FAF1: variants seen among roughly 807,000 people sequenced by gnomAD.
FAF1 encodes the protein FAS-associated factor 1.
FAF1 carries 25 observed loss-of-function variants against 92.5 expected under a neutral mutation model. The ratio of observed to expected loss-of-function variants is 0.27; its 90% CI spans 0.20 to 0.38. FAF1 has a LOEUF of 0.38. Among genes scored for constraint, FAF1 ranks in the 10% least tolerant of loss-of-function variants. FAF1 has a pLI of 1.00. For missense variants in FAF1, 636 were observed against 793.3 expected, an observed-to-expected ratio of 0.80 and a Z score of 2.38; for synonymous variants, 234 against 273.2, an observed-to-expected ratio of 0.86 and a Z score of 1.42.
chr1:50,658,021 G>A (rs1006316740), intron 7 of FAF1, among the ~76,000 whole-genome samples: 2 of 152,028 alleles, frequency 1.3e-5, no homozygotes, highest in African/African-American at 4.8e-5. Context: ...AAATGCAATT[G>A]GGTTAACCTC....
At position 50,904,401 on chromosome 1, in the gene FAF1, A is replaced by T. The variant is rs1169921645; in HGVS notation, c.46-46404T>A. 2.6e-5 allele frequency among the ~76,000 whole-genome samples: 4 copies of T among 152,360 alleles called. No homozygotes were observed. The East Asian group carries it at 7.7e-4, about 29-fold the overall frequency. On this transcript the variant is annotated intron_variant, in intron 1 of 18. Coordinates refer to ENST00000396153, the MANE Select transcript of FAF1 (RefSeq NM_007051.3). ...TAAAGTTTAATTGGCAAGGAGTTTC[A>T]GTTTGAGAAGACGAAAAAGTTCTGG...
chr1:50,812,909 A>G (rs906277668), intron 2 of FAF1, among the ~76,000 whole-genome samples: 3 of 152,186 alleles, frequency 2.0e-5, no homozygotes, highest in Non-Finnish European at 2.9e-5. Flanking sequence ...GAGCAACAAT[A>G]TGTCCTTTGC....
At chr1:50,880,991 A>G (rs12058681) in intron 1 of FAF1, among the ~76,000 whole-genome samples, 1 of 152,052 alleles carries the variant, frequency 6.6e-6, no homozygotes, top group African/African-American at 2.4e-5. Flanking sequence ...ATATATATAT[A>G]TTTTAAATGT....
intron 18 of FAF1, among the ~76,000 whole-genome samples, chr1:50,444,812 A>C (rs2148974681): frequency 6.6e-6 from 1 of 152,164 alleles, no homozygotes; most frequent in Middle Eastern, 3.4e-3. Context: ...ATCTTGCCCA[A>C]GGCTGCAGAC....
rs539483830 is a variant in FAF1, at chr1:50,810,684, T to C, written c.115-9007A>G. On this transcript the variant is annotated intron_variant, in intron 2 of 18. Coordinates refer to ENST00000396153, the MANE Select transcript of FAF1 (RefSeq NM_007051.3). ...ATGATTGCAAACCTAGAAAACCTCATAGTTTCTGTCCAAAAGCTACTAACT... is the reference window on the plus strand; with the variant it reads ...ATGATTGCAAACCTAGAAAACCTCACAGTTTCTGTCCAAAAGCTACTAACT... Among the ~76,000 whole-genome samples, 12 of 152,322 alleles carry C rather than the reference T, an allele frequency of 7.9e-5. No individual in the cohort carries two copies. In the East Asian group the frequency reaches 1.9e-3, roughly 24 times the overall value.
intron 17 of FAF1, among the ~76,000 whole-genome samples, chr1:50,490,191 C>G (rs548161637): frequency 1.3e-5 from 2 of 152,186 alleles, no homozygotes; most frequent in South Asian, 2.1e-4. Context: ...GAAACCCTGT[C>G]TCTACTAAAA....
chr1:50,710,363 T>C (rs952499510), intron 6 of FAF1, among the ~76,000 whole-genome samples: 7 of 152,286 alleles, frequency 4.6e-5, no homozygotes, highest in African/African-American at 1.7e-4. Flanking sequence ...TTGGCAAGCA[T>C]AATATTTATG....
chr1:50,896,590 C>T (rs942896392), intron 1 of FAF1, among the ~76,000 whole-genome samples: 2 of 152,130 alleles, frequency 1.3e-5, no homozygotes, highest in Non-Finnish European at 1.5e-5. Flanking sequence ...AACAGAATAT[C>T]ACTCATCCCT....
At chr1:50,879,251 TAAAC>T (rs932245250) in intron 1 of FAF1, among the ~76,000 whole-genome samples, 1 of 150,776 alleles carries the variant, frequency 6.6e-6, no homozygotes, top group Admixed American at 6.6e-5. Context: ...TTTCAAAAAA[TAAAC>T]AAATGAATGA....
intron 1 of FAF1, among the ~76,000 whole-genome samples, chr1:50,910,586 C>T (rs1190177301): frequency 2.6e-5 from 4 of 152,096 alleles, no homozygotes; most frequent in Non-Finnish European, 2.9e-5. Flanking sequence ...TCAGCAATGG[C>T]GGACGCCCCT....
intron 2 of FAF1, among the ~76,000 whole-genome samples, chr1:50,841,994 T>C (rs1260660121): frequency 6.6e-6 from 1 of 152,092 alleles, no homozygotes; most frequent in Non-Finnish European, 1.5e-5. Context: ...ACTAAGAGTT[T>C]TGGACTCTGT....
At chr1:50,500,839 ATAT>A (rs1646975143) in intron 15 of FAF1, among the ~76,000 whole-genome samples, 2 of 152,138 alleles carry the variant, frequency 1.3e-5, no homozygotes. Flanking sequence ...TAGAAGACAA[ATAT>A]TATTACTACA....
intron 2 of FAF1, among the ~76,000 whole-genome samples, chr1:50,855,426 G>A (rs866382667): frequency 4.6e-5 from 7 of 151,762 alleles, no homozygotes; most frequent in Non-Finnish European, 1.0e-4. Flanking sequence ...AAACACTGGA[G>A]AAGAGGTCCA....
At chr1:50,570,733 T>C (rs1175052040) in intron 12 of FAF1, among the ~76,000 whole-genome samples, 1 of 152,180 alleles carries the variant, frequency 6.6e-6, no homozygotes, top group Non-Finnish European at 1.5e-5. Flanking sequence ...AAGCAAAATA[T>C]AAAGACTCAA....
chr1:50,569,553 G>T (rs1650331570), intron 12 of FAF1, among the ~76,000 whole-genome samples: 1 of 152,286 alleles, frequency 6.6e-6, no homozygotes, highest in East Asian at 1.9e-4. Context: ...TAACTGAACA[G>T]ACAGAGGGAT....
At chr1:50,881,009 A>G (rs999238473) in intron 1 of FAF1, among the ~76,000 whole-genome samples, 4 of 152,156 alleles carry the variant, frequency 2.6e-5, no homozygotes, top group Non-Finnish European at 5.9e-5. Flanking sequence ...TGTCAACATC[A>G]CTAGCTTACA....
intron 6 of FAF1, among the ~76,000 whole-genome samples, chr1:50,735,109 A>C (rs983424621): frequency 6.6e-6 from 1 of 152,260 alleles, no homozygotes; most frequent in African/African-American, 2.4e-5. Context: ...TCATCTTAAT[A>C]AATAGGTTAC....
At chr1:50,848,622 C>T (rs1644322307) in intron 2 of FAF1, among the ~76,000 whole-genome samples, 2 of 152,118 alleles carry the variant, frequency 1.3e-5, no homozygotes, top group Admixed American at 6.5e-5. Context: ...GTTAACAGCA[C>T]CAGTAATAAC....
At chr1:50,880,438 G>A (rs1013883445) in intron 1 of FAF1, among the ~76,000 whole-genome samples, 1 of 152,090 alleles carries the variant, frequency 6.6e-6, no homozygotes, top group African/African-American at 2.4e-5. Context: ...GGCCGTATTC[G>A]GAGTAAGGAA....
Sources: allele counts gnomAD v4.1 joint callset (sites outside exome capture counted in the v4.1 genomes callset), GRCh38; gene constraint gnomAD v4.1.1; transcripts MANE v1.5; gene names NCBI Gene and HGNC (gene_info 2026-07-23, HGNC 2026-07-21).